KAT14: variants seen among roughly 807,000 people sequenced by gnomAD.
KAT14 encodes the protein lysine acetyltransferase 14, also known as cysteine-rich protein 2-binding protein.
Under a neutral mutation model 78.4 loss-of-function variants are expected in KAT14, and 66 were observed. The observed-to-expected ratio is 0.84, with a 90% CI of 0.69 to 1.03. The LOEUF (loss-of-function observed/expected upper bound fraction) is 1.03, where lower values mean the gene tolerates loss of function less well. Ranked by LOEUF, KAT14 falls within the 50% of genes least tolerant of loss-of-function variation. The pLI is 0.00. For synonymous variants in KAT14, 344 were observed against 359.4 expected, an observed-to-expected ratio of 0.96 and a Z score of 0.48; for missense variants, 870 against 972.5, an observed-to-expected ratio of 0.89 and a Z score of 1.40.
intron 9 of KAT14, among the ~76,000 whole-genome samples, chr20:18,184,101 A>G (rs1363920371): frequency 1.3e-5 from 2 of 152,236 alleles, no homozygotes; most frequent in African/African-American, 4.8e-5. Context: ...TCCATACATT[A>G]TGCACAGAAG....
At chr20:18,143,477 T>G (rs911494235) in intron 2 of KAT14, among the ~76,000 whole-genome samples, 7 of 151,912 alleles carry the variant, frequency 4.6e-5, no homozygotes, top group Middle Eastern at 3.2e-3. Context: ...CTTTCTTTTT[T>G]TTTTTTGAGA....
At chr20:18,153,097 A>G (rs2038106438) in intron 4 of KAT14, among the ~76,000 whole-genome samples, 2 of 152,190 alleles carry the variant, frequency 1.3e-5, no homozygotes, top group Non-Finnish European at 2.9e-5. Flanking sequence ...TAGACATGAC[A>G]AAGTCTTTGA....
chr20:18,145,134 C>G, intron 2 of KAT14, 99 bp from the exon 3 acceptor site: 1 of 1,474,026 alleles, frequency 6.8e-7, no homozygotes, highest in Non-Finnish European at 9.0e-7. Context: ...GAAAAGAAGA[C>G]AACATGGGAA....
chr20:18,184,028 A>G (rs1043891471), intron 9 of KAT14, among the ~76,000 whole-genome samples: 1 of 152,232 alleles, frequency 6.6e-6, no homozygotes, highest in African/African-American at 2.4e-5. Flanking sequence ...TTTGGGAGTC[A>G]TACTGAGCCA....
chr20:18,183,216 C>T lies in KAT14; in HGVS notation c.1899C>T (p.Pro633=), dbSNP rs149106213. The change falls in exon 9 of 11, where the codon CCC becomes CCT. Residue 633 remains proline, a synonymous_variant. Coordinates refer to ENST00000688188, the MANE Select transcript of KAT14 (RefSeq NM_001392073.1). Reference sequence around the variant, plus strand: ...GCGACCCTCACTGGACGCCGGAGCCCGACGCACCTCTCGATTACTGTTATG... The same window carrying T: ...GCGACCCTCACTGGACGCCGGAGCCTGACGCACCTCTCGATTACTGTTATG... ...HRSDPHWTPE[P]DAPLDYCYVR... is the part of the protein sequence containing the mutation. The T allele has an allele frequency of 2.0e-5, 33 of 1,613,934 alleles. No individual in the cohort carries two copies. The highest frequency in any genetic ancestry group is 1.6e-4 in the Middle Eastern group (1 of 6,084).
At chr20:18,146,116 C>A (rs912159192) in intron 3 of KAT14, among the ~76,000 whole-genome samples, 1 of 152,204 alleles carries the variant, frequency 6.6e-6, no homozygotes, top group Non-Finnish European at 1.5e-5. Context: ...TAATCTAAGT[C>A]AGCTGTATCC....
At chr20:18,147,287 T>C (rs1651069582) in intron 3 of KAT14, among the ~76,000 whole-genome samples, 1 of 152,200 alleles carries the variant, frequency 6.6e-6, no homozygotes, top group Non-Finnish European at 1.5e-5. Flanking sequence ...GTATTGAGGA[T>C]AGAGCCTTAT....
intron 1 of KAT14, chr20:18,138,549 C>T: frequency 1.3e-6 from 1 of 798,578 alleles, no homozygotes; most frequent in Non-Finnish European, 1.5e-6. Flanking sequence ...TTGATTTTAT[C>T]CCATGGTAAG....
At chr20:18,170,157 G>A (rs1266711672) in intron 7 of KAT14, among the ~76,000 whole-genome samples, 7 of 152,366 alleles carry the variant, frequency 4.6e-5, no homozygotes, top group East Asian at 1.9e-4. Context: ...GCAGCAACAC[G>A]TTATCTAGAA....
intron 2 of KAT14, among the ~76,000 whole-genome samples, chr20:18,143,615 A>AAT (rs2037678382): frequency 9.6e-6 from 1 of 103,998 alleles, no homozygotes. Context: ...CACCTGGCTA[A>AAT]TTTTTTTTTT....
chr20:18,149,068 A>G (rs551515454), intron 3 of KAT14, among the ~76,000 whole-genome samples: 2 of 152,258 alleles, frequency 1.3e-5, no homozygotes, highest in African/African-American at 4.8e-5. Flanking sequence ...TGTCTCAATT[A>G]TACAAAAAAG....
chr20:18,168,396 C>T (rs1020888749), intron 7 of KAT14, among the ~76,000 whole-genome samples: 9 of 152,054 alleles, frequency 5.9e-5, no homozygotes, highest in Admixed American at 2.0e-4. Flanking sequence ...GGCCTGGTGG[C>T]GCATGCCTAT....
In KAT14 at chr20:18,183,024, G is replaced by C. The variant is rs1600242673; in HGVS notation, c.1806-99G>C. 2.2e-5 allele frequency: 33 copies of C among 1,477,028 alleles called. No individual in the cohort carries two copies. In the East Asian group the frequency reaches 7.2e-4, roughly 32 times the overall value. The allele number at this position is 1,477,028 out of a possible 1,614,324, so 91.5% of individuals were successfully genotyped here. On this transcript the variant is annotated intron_variant, in intron 8 of 10. Coordinates refer to ENST00000688188, the MANE Select transcript of KAT14 (RefSeq NM_001392073.1). Reference sequence around the variant, plus strand: ...GTAAAACAGTGCAGGTTACTTTAAAGTTTCAAGCAGATCAAAGAGTTTATA... The same window carrying C: ...GTAAAACAGTGCAGGTTACTTTAAACTTTCAAGCAGATCAAAGAGTTTATA...
chr20:18,176,566 C>T (rs1353434654), intron 7 of KAT14, among the ~76,000 whole-genome samples: 2 of 151,822 alleles, frequency 1.3e-5, no homozygotes, highest in Non-Finnish European at 2.9e-5. Flanking sequence ...GGAGGCAGCA[C>T]TTGAACTAAG....
chr20:18,187,556 T>G lies in KAT14; in HGVS notation c.*97T>G. The G allele has an allele frequency of 6.4e-7, 1 of 1,551,166 alleles. No homozygotes were observed. The highest frequency in any genetic ancestry group is 1.2e-5 in the South Asian group (1 of 83,184). On this transcript the variant is annotated 3_prime_UTR_variant, in exon 11 of 11. Transcript: ENST00000688188. ...ATTGATTTCACAGGGAGCTCTAATC[T>G]CTGTGATTACATGGTCCTTCAAACT...
At chr20:18,151,207 A>T (rs566346058) in intron 4 of KAT14, among the ~76,000 whole-genome samples, 5 of 150,668 alleles carry the variant, frequency 3.3e-5, no homozygotes, top group Admixed American at 6.6e-5. Flanking sequence ...TTATTTATTT[A>T]TTTTTTGGAG....
chr20:18,152,045 G>A (rs188710397), intron 4 of KAT14, among the ~76,000 whole-genome samples: 4 of 151,554 alleles, frequency 2.6e-5, no homozygotes, highest in Admixed American at 6.6e-5. Context: ...TGAACATGAC[G>A]TTTTTTGAAG....
intron 4 of KAT14, among the ~76,000 whole-genome samples, chr20:18,153,571 C>T: frequency 6.6e-6 from 1 of 152,112 alleles, no homozygotes; most frequent in Non-Finnish European, 1.5e-5. Flanking sequence ...AAAAATATTG[C>T]TGGATTTTAA....
chr20:18,174,122 A>G (rs1204429593), intron 7 of KAT14, among the ~76,000 whole-genome samples: 1 of 152,234 alleles, frequency 6.6e-6, no homozygotes, highest in African/African-American at 2.4e-5. Context: ...AATGTTTTCA[A>G]GATTCATCCA....
Sources: allele counts gnomAD v4.1 joint callset (sites outside exome capture counted in the v4.1 genomes callset), GRCh38; gene constraint gnomAD v4.1.1; transcripts MANE v1.5; gene names NCBI Gene and HGNC (gene_info 2026-07-23, HGNC 2026-07-21).